The following DIP2B variants were observed in gnomAD, a reference collection of about 807,000 sequenced individuals.
DIP2B encodes disco-interacting protein 2 homolog B.
In DIP2B, 76 loss-of-function variants were observed where a neutral mutation model predicts 198.0. The observed-to-expected ratio is 0.38, with a 90% CI of 0.32 to 0.46. DIP2B has a LOEUF of 0.46. Ranked by LOEUF, DIP2B falls within the 20% of genes least tolerant of loss-of-function variation. The pLI is 0.99. For synonymous variants in DIP2B, 701 were observed against 739.1 expected, an observed-to-expected ratio of 0.95 and a Z score of 0.84; for missense variants, 1,559 against 1,978.4, an observed-to-expected ratio of 0.79 and a Z score of 4.02.
At chr12:50,676,234 C>G (rs188329969) in intron 7 of DIP2B, among the ~76,000 whole-genome samples, 34 of 152,250 alleles carry the variant, frequency 2.2e-4, no homozygotes, top group African/African-American at 7.0e-4. Flanking sequence ...ACAAATAGAT[C>G]TACCTAAGAA....
intron 17 of DIP2B, 47 bp downstream of exon 17, chr12:50,697,222 A>G (rs376511583): frequency 2.1e-5 from 33 of 1,553,602 alleles, no homozygotes; most frequent in Non-Finnish European, 2.8e-5. Context: ...TACAACTTGG[A>G]TGAAATGTGC....
At chr12:50,640,975 A>T in intron 3 of DIP2B, 123 bp downstream of exon 3, 1 of 1,185,222 alleles carries the variant, frequency 8.4e-7, no homozygotes, top group South Asian at 1.6e-5. Flanking sequence ...GTTTTATATT[A>T]ACTCATTCAC....
intron 7 of DIP2B, among the ~76,000 whole-genome samples, chr12:50,676,213 G>A (rs898863663): frequency 1.3e-5 from 2 of 152,090 alleles, no homozygotes; most frequent in East Asian, 1.9e-4. Context: ...GAGTGATGAC[G>A]ATAGATCTAG....
chr12:50,729,466 C>G (rs1420695294), intron 30 of DIP2B, among the ~76,000 whole-genome samples: 1 of 152,192 alleles, frequency 6.6e-6, no homozygotes, highest in Non-Finnish European at 1.5e-5. Context: ...GGAGACCACA[C>G]CACCAGTATT....
chr12:50,689,525 A>G (rs1204630120), intron 12 of DIP2B, among the ~76,000 whole-genome samples: 1 of 152,206 alleles, frequency 6.6e-6, no homozygotes, highest in African/African-American at 2.4e-5. Context: ...AGAAGGCAAG[A>G]CAGACTCAGG....
At chr12:50,618,285 A>G (rs533872965) in intron 1 of DIP2B, among the ~76,000 whole-genome samples, 7 of 152,344 alleles carry the variant, frequency 4.6e-5, no homozygotes, top group African/African-American at 7.2e-5. Context: ...TCAACCCTCA[A>G]CGTCAAGTGT....
At chr12:50,576,989 G>T (rs565408988) in intron 1 of DIP2B, among the ~76,000 whole-genome samples, 1 of 151,864 alleles carries the variant, frequency 6.6e-6, no homozygotes, top group South Asian at 2.1e-4. Flanking sequence ...TCAGCCTCCT[G>T]AGTAGCTGGG....
At chr12:50,517,264 A>G (rs1338315893) in intron 1 of DIP2B, among the ~76,000 whole-genome samples, 1 of 151,126 alleles carries the variant, frequency 6.6e-6, no homozygotes, top group African/African-American at 2.4e-5. Context: ...TTAAATAGAG[A>G]TGGGGTTTTG....
intron 1 of DIP2B, among the ~76,000 whole-genome samples, chr12:50,545,493 A>T (rs11169490): frequency 1.4e-5 from 2 of 146,930 alleles, no homozygotes; most frequent in African/African-American, 2.5e-5. Context: ...ATCTCACCCC[A>T]GCCTCCCGAG....
intron 1 of DIP2B, among the ~76,000 whole-genome samples, chr12:50,516,781 C>G (rs986422509): frequency 6.6e-6 from 1 of 152,020 alleles, no homozygotes; most frequent in Admixed American, 6.6e-5. Flanking sequence ...TCGAGACCAG[C>G]CTGGCCAACA....
chr12:50,680,700 G>A lies in DIP2B; in HGVS notation c.1143G>A (p.Leu381=). The A allele has an allele frequency of 6.2e-7, 1 of 1,604,386 alleles. No homozygotes were observed. The highest frequency in any genetic ancestry group is 8.5e-7 in the Non-Finnish European group (1 of 1,174,996). ...YGKLWSRSLK[L]AYTLLNKLGT... ...AGTTGTGGAGCAGAAGTTTAAAGTT[G>A]GCCTACACACTTCTTAATAAACTGG... The change falls in exon 9 of 38, where the codon TTG becomes TTA. Residue 381 remains leucine, a synonymous_variant. Coordinates refer to ENST00000301180, the MANE Select transcript of DIP2B (RefSeq NM_173602.3).
intron 21 of DIP2B, among the ~76,000 whole-genome samples, 172 bp from the exon 22 acceptor site, chr12:50,708,276 A>G (rs563677473): frequency 2.6e-5 from 4 of 152,342 alleles, no homozygotes; most frequent in African/African-American, 9.6e-5. Flanking sequence ...AATACATATT[A>G]TTTAAATGAA....
intron 1 of DIP2B, among the ~76,000 whole-genome samples, chr12:50,548,529 A>T (rs1439601213): frequency 2.0e-5 from 3 of 151,790 alleles, no homozygotes; most frequent in Non-Finnish European, 4.4e-5. Flanking sequence ...TTTTTAATTA[A>T]TTTTTTTGTT....
intron 1 of DIP2B, among the ~76,000 whole-genome samples, chr12:50,597,658 C>A (rs929447090): frequency 1.3e-5 from 2 of 152,126 alleles, no homozygotes; most frequent in Admixed American, 6.6e-5. Context: ...GAGGGTGGCT[C>A]ATGCACATTT....
intron 37 of DIP2B, among the ~76,000 whole-genome samples, chr12:50,742,827 C>T (rs1360591097): frequency 1.3e-5 from 2 of 151,734 alleles, no homozygotes; most frequent in South Asian, 2.1e-4. Flanking sequence ...ACCTGGGAGG[C>T]GGAGGTTGCA....
rs141374844 is a variant in DIP2B, at chr12:50,723,218, C to T, written c.3183C>T (p.Ala1061=). The T allele has an allele frequency of 1.1e-4, 175 of 1,614,118 alleles. 1 individual carries two copies. In the African/African-American group the frequency reaches 1.7e-3, roughly 16 times the overall value. The stretch of plus-strand genomic sequence containing the variant: ...GTCTTGCAGGCATTGAGTTAATCGC[C>T]GCCTTCTATGGCTGCCTGTATGCGG... ...LLYPPGIELI[A]AFYGCLYAGC... Residue 1061 remains alanine (A), a synonymous_variant, in exon 27 of 38, where the codon GCC becomes GCT. Coordinates refer to ENST00000301180, the MANE Select transcript of DIP2B (RefSeq NM_173602.3).
At chr12:50,671,604 G>A (rs967318965) in intron 5 of DIP2B, among the ~76,000 whole-genome samples, 6 of 152,202 alleles carry the variant, frequency 3.9e-5, no homozygotes, top group South Asian at 4.1e-4. Context: ...TTATTGGTGC[G>A]TAGTTTTGCC....
chr12:50,617,423 G>A (rs554875901), intron 1 of DIP2B, among the ~76,000 whole-genome samples: 2 of 151,882 alleles, frequency 1.3e-5, no homozygotes, highest in African/African-American at 4.8e-5. Flanking sequence ...CCAAAGTGCT[G>A]GGATTACAGG....
rs371088344 is a variant in DIP2B at position 50,640,794 on chromosome 12, T to G, written c.243T>G (p.Ala81=). 1 of 1,613,942 alleles carries G rather than the reference T, an allele frequency of 6.2e-7. No homozygotes were observed. The change falls in exon 3 of 38, where the codon GCT becomes GCG. Residue 81 remains alanine (A), a synonymous_variant. Coordinates refer to ENST00000301180, the MANE Select transcript of DIP2B (RefSeq NM_173602.3). ...TPAPSAAQTS[A]PSKYHRTRSG... is the part of the protein sequence containing the mutation. ...CTCCATCTGCAGCTCAAACTTCTGC[T>G]CCCTCTAAGTACCACCGAACTCGAT...
Sources: allele counts gnomAD v4.1 joint callset (sites outside exome capture counted in the v4.1 genomes callset), GRCh38; gene constraint gnomAD v4.1.1; transcripts MANE v1.5; gene names NCBI Gene and HGNC (gene_info 2026-07-23, HGNC 2026-07-21).